The following PHF12 variants were observed in gnomAD, a reference collection of about 807,000 sequenced individuals.
PHF12 encodes PHD finger protein 12, also known as PHD factor 1.
PHF12 carries 6 observed loss-of-function variants against 99.8 expected under a neutral mutation model. That is an observed-to-expected ratio of 0.06 (90% CI 0.03 to 0.12). The LOEUF is 0.12. Among genes scored for constraint, PHF12 ranks in the 10% least tolerant of loss-of-function variants. PHF12 has a pLI of 1.00. For synonymous variants in PHF12, 480 were observed against 514.9 expected (o/e 0.93, Z 0.92); for missense variants, 954 against 1,300.1 (o/e 0.73, Z 4.09).
At chr17:28,908,599 C>T (rs924456851) in intron 12 of PHF12, 184 bp downstream of exon 12, 8 of 621,832 alleles carry the variant, frequency 1.3e-5, no homozygotes, top group African/African-American at 1.1e-4. Flanking sequence ...GGATTATAGG[C>T]GTGAGCCACC....
At chr17:28,947,130 C>T (rs981653124) in intron 2 of PHF12, among the ~76,000 whole-genome samples, 9 of 151,620 alleles carry the variant, frequency 5.9e-5, no homozygotes, top group African/African-American at 1.2e-4. Context: ...ACTACAGGCT[C>T]GTGCCACCAC....
rs1359698972 is a variant in PHF12, at chr17:28,905,478, C to T, written c.*705G>A. The T allele has an allele frequency of 6.6e-6, 1 of 152,434 alleles. No individual in the cohort carries two copies. The highest frequency in any genetic ancestry group is 1.5e-5 in the Non-Finnish European group (1 of 68,020). 9.4% of individuals were successfully genotyped at this position (152,434 alleles called of 1,614,324 possible). A position where few individuals can be genotyped will look rare whatever the true frequency, so the allele number is the denominator to read the frequency against. On this transcript the variant is annotated 3_prime_UTR_variant, in exon 15 of 15. Coordinates refer to ENST00000332830, the MANE Select transcript of PHF12 (RefSeq NM_001033561.2). ...TAGACAATTTGAGAAAACGCTCTAC[C>T]ACATGTAGTACTGTACACGGTTTTT...
rs2040786696 is a variant in PHF12 at position 28,950,329 on chromosome 17, C to A, written c.67-83G>T. On this transcript the variant is annotated intron_variant, in intron 1 of 14. Coordinates refer to ENST00000332830, the MANE Select transcript of PHF12 (RefSeq NM_001033561.2). This position sits in a 1 kb window ranked among gnomAD's most constrained non-coding sequence, Gnocchi z 5.7. ...CCCCCCCGGCGCGGTTTCTCCGTCACCCACCCCTCTCCCCCCTTTTGTCCT... is the reference window on the plus strand; with the variant it reads ...CCCCCCCGGCGCGGTTTCTCCGTCAACCACCCCTCTCCCCCCTTTTGTCCT... The A allele has an allele frequency of 7.2e-7, 1 of 1,397,152 alleles. No individual in the cohort carries two copies. Among genetic ancestry groups the A allele is most frequent in the Non-Finnish European group, 9.7e-7 (1 of 1,034,020 alleles). The allele number at this position is 1,397,152 out of a possible 1,614,324, so 86.5% of individuals were successfully genotyped here. A position where few individuals can be genotyped will look rare whatever the true frequency, so the allele number is the denominator to read the frequency against.
chr17:28,907,702 A>C (rs765777345), intron 12 of PHF12, 30 bp from the exon 13 acceptor site: 13 of 1,598,342 alleles, frequency 8.1e-6, no homozygotes, highest in East Asian at 6.7e-5. Flanking sequence ...GAGGAAAAGG[A>C]AGGCAGAGAA....
chr17:28,933,231 ATGC>A (rs2040447301), intron 2 of PHF12, among the ~76,000 whole-genome samples: 1 of 152,346 alleles, frequency 6.6e-6, no homozygotes, highest in African/African-American at 2.4e-5. Context: ...TAATGAGACA[ATGC>A]TGCTTTTGTA....
At position 28,923,651 on chromosome 17, in the gene PHF12, C is replaced by CA. The variant is rs1491183033; in HGVS notation, c.715+257dup. Among the ~76,000 whole-genome samples the CA allele has an allele frequency of 8.2e-3, 180 of 21,930 alleles. 12 individuals carry two copies. The highest frequency in any genetic ancestry group is 0.032 in the African/African-American group (140 of 4,334). The allele number at this position is 21,930 out of a possible 152,430, so 14.4% of individuals were successfully genotyped here. On this transcript the variant is annotated intron_variant, in intron 4 of 14. Coordinates refer to ENST00000332830, the MANE Select transcript of PHF12 (RefSeq NM_001033561.2). ...CTAGCCTGAGTGACAAAGTGAGACT[C>CA]ACAAAAAAAAAAAAAAAAAAAAAAG...
chr17:28,921,607 C>T (rs1192564802), intron 5 of PHF12, 81 bp downstream of exon 5: 1 of 1,514,272 alleles, frequency 6.6e-7, no homozygotes, highest in African/African-American at 1.4e-5. Flanking sequence ...ATTTAACATA[C>T]ATGGTCTGGA....
At chr17:28,919,632 C>T (rs1204356903) in intron 5 of PHF12, among the ~76,000 whole-genome samples, 8 of 152,118 alleles carry the variant, frequency 5.3e-5, no homozygotes, top group Non-Finnish European at 8.8e-5. Flanking sequence ...CCCAGCTACT[C>T]GGGAGGCTGA....
chr17:28,913,213 G>C lies in PHF12; in HGVS notation c.1358C>G (p.Pro453Arg). The change falls in exon 9 of 15, where the codon CCT becomes CGT. Residue 453 changes from proline (P) to arginine (R), a missense_variant. Pro to Arg is a moderately radical substitution (Grantham distance 103). Coordinates refer to ENST00000332830, the MANE Select transcript of PHF12 (RefSeq NM_001033561.2). ...TGTCTGTTCAGAGTCCCAATGCGAA[G>C]GCATCTGCTTAGCAGATAAATGTTT... Reference protein sequence around the residue: ...ILKHLSAKQMPSHWDSEQTEK... With the variant: ...ILKHLSAKQMRSHWDSEQTEK... The C allele has an allele frequency of 6.2e-7, 1 of 1,614,182 alleles. No individual in the cohort carries two copies.
rs533243044 is a variant in PHF12 at position 28,905,857 on chromosome 17, G to A, written c.*326C>T. ...AATGGTGGGCGAGGGGGAGGGAGCA[G>A]GAGGTGGGTGGGGAAGGGTTTTGTG... is the stretch of plus-strand genomic sequence containing the variant. On this transcript the variant is annotated 3_prime_UTR_variant, in exon 15 of 15. Coordinates refer to ENST00000332830, the MANE Select transcript of PHF12 (RefSeq NM_001033561.2). The A allele has an allele frequency of 2.8e-5, 7 of 249,526 alleles. No homozygotes were observed. Among genetic ancestry groups the A allele is most frequent in the Middle Eastern group, 1.2e-3 (1 of 834 alleles). 15.5% of individuals were successfully genotyped at this position (249,526 alleles called of 1,614,324 possible).
intron 11 of PHF12, 149 bp downstream of exon 11, chr17:28,910,077 A>G: frequency 8.1e-7 from 1 of 1,232,128 alleles, no homozygotes; most frequent in Non-Finnish European, 1.2e-6. Context: ...TCTCTTCAGA[A>G]AAAAACCATG....
chr17:28,916,008 A>T (rs944969901), intron 7 of PHF12, among the ~76,000 whole-genome samples: 1 of 152,218 alleles, frequency 6.6e-6, no homozygotes, highest in Non-Finnish European at 1.5e-5. Context: ...TTACTTTTAG[A>T]TCTGTTTCAC....
chr17:28,906,156 A>C lies in PHF12; in HGVS notation c.*27T>G. ...TTGCAGGAGTCTTGGGTGGGTGTAC[A>C]GGCCAGTGGCGGGGTAGCCGCCAGT... On this transcript the variant is annotated 3_prime_UTR_variant, in exon 15 of 15. Transcript: ENST00000332830. The surrounding 1 kb of genome is among the most constrained non-coding windows in gnomAD (Gnocchi z 4.2). 1 of 1,564,192 alleles carries C rather than the reference A, an allele frequency of 6.4e-7. No homozygotes were observed. The highest frequency in any genetic ancestry group is 8.7e-7 in the Non-Finnish European group (1 of 1,148,400).
intron 2 of PHF12, 142 bp from the exon 3 acceptor site, chr17:28,927,205 A>T: frequency 1.4e-6 from 1 of 696,722 alleles, no homozygotes. Context: ...AAAATGCCTA[A>T]GTCAGCATCA....
rs1158617499 is a variant in PHF12, at chr17:28,923,933, G to A, written c.691C>T (p.Leu231=). ...CCTGGTAGTGCAGTGGTACAAGTCA[G>A]TTCATTGGGCAACTGAAATTGGGTG... ...NPTQFQLPNE[L]TCTTALPGSS... The change falls in exon 4 of 15, where the codon CTG becomes TTG. Residue 231 remains leucine (L), a synonymous_variant. Transcript: ENST00000332830. The A allele has an allele frequency of 1.9e-6, 3 of 1,612,444 alleles. No homozygotes were observed. The highest frequency in any genetic ancestry group is 1.3e-5 in the African/African-American group (1 of 74,978).
In PHF12 at chr17:28,911,220, C is replaced by T. The variant is rs762737430; in HGVS notation, c.2107G>A (p.Gly703Ser). ...APSSDGKVSP[G>S]TLSIGSALTV... is the part of the protein sequence containing the mutation. ...AAAGCGCTTCCTATGGATAACGTGC[C>T]GGGGCTGACCTTGCCATCTGGGGAC... The change falls in exon 10 of 15, where the codon GGC (glycine) becomes AGC (serine). Residue 703 changes from glycine to serine, a missense_variant. Gly to Ser is a moderately conservative substitution (Grantham distance 56, BLOSUM62 0). This residue lies in a region of PHF12 where 143 missense variants were observed against 191.8 expected (regional missense o/e 0.75). Transcript: ENST00000332830. The T allele has an allele frequency of 1.3e-5, 21 of 1,613,956 alleles. No homozygotes were observed. The highest frequency in any genetic ancestry group is 4.4e-5 in the South Asian group (4 of 91,080).
intron 2 of PHF12, among the ~76,000 whole-genome samples, chr17:28,940,993 G>A (rs1284362542): frequency 6.6e-6 from 1 of 151,920 alleles, no homozygotes; most frequent in Non-Finnish European, 1.5e-5. Flanking sequence ...GTACTCCCTG[G>A]GGCCTCTAAG....
Position 28,950,332 on chromosome 17 carries a change from A to G in PHF12, c.67-86T>C, listed in dbSNP as rs766030552. 1 of 1,351,676 alleles carries G rather than the reference A, an allele frequency of 7.4e-7. No homozygotes were observed. The highest frequency in any genetic ancestry group is 9.9e-7 in the Non-Finnish European group (1 of 1,006,390). The allele number at this position is 1,351,676 out of a possible 1,614,324, so 83.7% of individuals were successfully genotyped here. ...CCCCGGCGCGGTTTCTCCGTCACCC[A>G]CCCCTCTCCCCCCTTTTGTCCTTCT... On this transcript the variant is annotated intron_variant, in intron 1 of 14. Coordinates refer to ENST00000332830, the MANE Select transcript of PHF12 (RefSeq NM_001033561.2). The surrounding 1 kb of genome is among the most constrained non-coding windows in gnomAD (Gnocchi z 5.7).
intron 7 of PHF12, among the ~76,000 whole-genome samples, chr17:28,915,655 A>G (rs1293975451): frequency 2.0e-5 from 3 of 152,172 alleles, no homozygotes; most frequent in Admixed American, 6.5e-5. Context: ...CCTGGGGAAG[A>G]GTGAAGGGCT....
Sources: allele counts gnomAD v4.1 joint callset (sites outside exome capture counted in the v4.1 genomes callset), GRCh38; gene constraint gnomAD v4.1.1; regional missense constraint gnomAD v4.1.1; non-coding constraint Gnocchi (gnomAD v3.1); transcripts MANE v1.5; gene names NCBI Gene and HGNC (gene_info 2026-07-23, HGNC 2026-07-21).